Variants in CAMK2D observed in about 807,000 individuals in gnomAD.
CAMK2D encodes calcium/calmodulin dependent protein kinase II delta, also known as calcium/calmodulin-dependent protein kinase type II subunit delta.
A neutral mutation model predicts 84.0 loss-of-function variants in CAMK2D; 37 were observed. The observed-to-expected ratio is 0.44, with a 90% CI of 0.34 to 0.58. The LOEUF (loss-of-function observed/expected upper bound fraction) is 0.58, where lower values mean the gene tolerates loss of function less well. Ranked by LOEUF, CAMK2D falls within the 20% of genes least tolerant of loss-of-function variation. The pLI, the probability that CAMK2D is intolerant of heterozygous loss-of-function variation, is 0.02. For missense variants in CAMK2D, 448 were observed against 652.5 expected (o/e 0.69, Z 3.41); for synonymous variants, 202 against 212.5 (o/e 0.95, Z 0.43).
intron 8 of CAMK2D, among the ~76,000 whole-genome samples, chr4:113,526,986 A>G (rs575192302): frequency 1.3e-5 from 2 of 151,882 alleles, no homozygotes; most frequent in African/African-American, 4.8e-5. Context: ...CTGCATTGAG[A>G]AAGTCTGTGG....
At chr4:113,533,084 A>G (rs1302001088) in intron 7 of CAMK2D, among the ~76,000 whole-genome samples, 1 of 151,578 alleles carries the variant, frequency 6.6e-6, no homozygotes, top group East Asian at 2.0e-4. Flanking sequence ...TGTTAACAAT[A>G]CCTCTCCTAA....
In CAMK2D at chr4:113,634,023, CT is replaced by C. The variant is rs1269807067; in HGVS notation, c.221-24818del. 2.6e-5 allele frequency among the ~76,000 whole-genome samples: 4 copies of C among 152,150 alleles called. No homozygotes were observed. In the East Asian group the frequency reaches 7.7e-4, roughly 29 times the overall value. On this transcript the variant is annotated intron_variant, in intron 3 of 20. Coordinates refer to ENST00000511664, the MANE Select transcript of CAMK2D (RefSeq NM_001321571.2). ...AATGTCTTTACTTGCTTTTAAAAGA[CT>C]TTTGTCACCTTTGCTTTTAAAAGAC...
intron 3 of CAMK2D, among the ~76,000 whole-genome samples, chr4:113,612,656 T>G (rs541987953): frequency 6.6e-6 from 1 of 152,332 alleles, no homozygotes; most frequent in Admixed American, 6.5e-5. Flanking sequence ...GAAAAACATT[T>G]GAGAAAACAG....
intron 4 of CAMK2D, among the ~76,000 whole-genome samples, chr4:113,566,999 A>G (rs938661157): frequency 1.3e-5 from 2 of 152,128 alleles, no homozygotes; most frequent in Non-Finnish European, 2.9e-5. Flanking sequence ...GAGTATATGC[A>G]TATAGCAGGC....
At chr4:113,561,976 G>A (rs768000790) in intron 4 of CAMK2D, among the ~76,000 whole-genome samples, 42 of 152,132 alleles carry the variant, frequency 2.8e-4, no homozygotes, top group South Asian at 8.3e-4. Context: ...ATGTGTGCCT[G>A]CATACACGTG....
At chr4:113,492,078 C>T (rs920374143) in intron 16 of CAMK2D, among the ~76,000 whole-genome samples, 1 of 151,736 alleles carries the variant, frequency 6.6e-6, no homozygotes, top group Non-Finnish European at 1.5e-5. Flanking sequence ...TTTGTTGATC[C>T]TTTCAAAAAA....
chr4:113,529,685 C>T (rs1349247895), intron 8 of CAMK2D, among the ~76,000 whole-genome samples: 1 of 152,096 alleles, frequency 6.6e-6, no homozygotes, highest in Non-Finnish European at 1.5e-5. Flanking sequence ...TGTCTTTGGG[C>T]CTGCATAGGA....
rs559318675 is a variant in CAMK2D at position 113,576,744 on chromosome 4, A to C, written c.276-24648T>G. 2.0e-5 allele frequency among the ~76,000 whole-genome samples: 3 copies of C among 152,292 alleles called. No homozygotes were observed. In the South Asian group the frequency reaches 6.2e-4, roughly 32 times the overall value. ...TTTTTTAAAAGAGAATTTTGAAAAA[A>C]AATTAAGAGGCTAGAATAATTTGTT... On this transcript the variant is annotated intron_variant, in intron 4 of 20. Transcript: ENST00000511664.
intron 12 of CAMK2D, 123 bp downstream of exon 12, chr4:113,513,205 T>C: frequency 6.6e-7 from 1 of 1,517,238 alleles, no homozygotes; most frequent in South Asian, 1.3e-5. Flanking sequence ...TGCCACACAT[T>C]TGCCACCCCT....
At chr4:113,713,246 A>G (rs1258625217) in intron 2 of CAMK2D, among the ~76,000 whole-genome samples, 1 of 151,844 alleles carries the variant, frequency 6.6e-6, no homozygotes, top group Non-Finnish European at 1.5e-5. Flanking sequence ...ATTGTAAACT[A>G]GTAGGAAAAT....
chr4:113,482,665 T>C (rs1323974627), intron 16 of CAMK2D, among the ~76,000 whole-genome samples: 1 of 152,252 alleles, frequency 6.6e-6, no homozygotes, highest in African/African-American at 2.4e-5. Flanking sequence ...AGAGAGGTTT[T>C]ATATTTGTTT....
chr4:113,484,462 G>C (rs754438795), intron 16 of CAMK2D, among the ~76,000 whole-genome samples: 3 of 151,948 alleles, frequency 2.0e-5, no homozygotes, highest in Non-Finnish European at 4.4e-5. Flanking sequence ...TGCAAACATA[G>C]TTGCAATGTC....
At chr4:113,700,399 G>C in intron 2 of CAMK2D, among the ~76,000 whole-genome samples, 1 of 152,146 alleles carries the variant, frequency 6.6e-6, no homozygotes, top group Non-Finnish European at 1.5e-5. Flanking sequence ...GGCAGTAACA[G>C]TGGTAAGAAA....
At chr4:113,589,069 T>C (rs1382605395) in intron 4 of CAMK2D, among the ~76,000 whole-genome samples, 1 of 152,106 alleles carries the variant, frequency 6.6e-6, no homozygotes, top group Non-Finnish European at 1.5e-5. Context: ...GCAAATACCT[T>C]GAGCTGCAAT....
At chr4:113,660,153 CT>C (rs1251751184) in intron 3 of CAMK2D, among the ~76,000 whole-genome samples, 5 of 152,124 alleles carry the variant, frequency 3.3e-5, no homozygotes, top group African/African-American at 1.2e-4. Context: ...ATCAGAAATA[CT>C]TAGGTTAACA....
In CAMK2D at chr4:113,682,212, G is replaced by C. The variant is rs146410358; in HGVS notation, c.161-20440C>G. Among the ~76,000 whole-genome samples, 1,381 of 152,238 alleles carry C rather than the reference G, an allele frequency of 9.1e-3. 23 individuals carry two copies. Among genetic ancestry groups the C allele is most frequent in the African/African-American group, 0.031 (1,305 of 41,544 alleles). Reference sequence around the variant, plus strand: ...TAGCTGTTTTGATAGAAGAGGAAGAGCAATCTTCAGTTTTAATTTATTCAT... The same window carrying C: ...TAGCTGTTTTGATAGAAGAGGAAGACCAATCTTCAGTTTTAATTTATTCAT... On this transcript the variant is annotated intron_variant, in intron 2 of 20. Coordinates refer to ENST00000511664, the MANE Select transcript of CAMK2D (RefSeq NM_001321571.2).
chr4:113,708,963 C>G (rs1209273838), intron 2 of CAMK2D, among the ~76,000 whole-genome samples: 3 of 152,096 alleles, frequency 2.0e-5, no homozygotes, highest in Non-Finnish European at 4.4e-5. Flanking sequence ...CTCAAGTGAT[C>G]TACCCACCTT....
intron 4 of CAMK2D, among the ~76,000 whole-genome samples, chr4:113,585,816 C>T (rs954487193): frequency 6.6e-6 from 1 of 152,020 alleles, no homozygotes; most frequent in South Asian, 2.1e-4. Flanking sequence ...AAATGCAGTT[C>T]CAGTTTTGTA....
chr4:113,642,026 A>C (rs2099134344), intron 3 of CAMK2D, among the ~76,000 whole-genome samples: 1 of 152,092 alleles, frequency 6.6e-6, no homozygotes, highest in African/African-American at 2.4e-5. Context: ...ATTTAAAAAT[A>C]ATAAAAAATA....
Sources: allele counts gnomAD v4.1 joint callset (sites outside exome capture counted in the v4.1 genomes callset), GRCh38; gene constraint gnomAD v4.1.1; transcripts MANE v1.5; gene names NCBI Gene and HGNC (gene_info 2026-07-23, HGNC 2026-07-21).